Variants in PELI2 observed in about 807,000 individuals in gnomAD.
The protein encoded by PELI2 is E3 ubiquitin-protein ligase pellino homolog 2.
PELI2 carries 23 observed loss-of-function variants against 42.3 expected under a neutral mutation model. The ratio of observed to expected loss-of-function variants is 0.54; its 90% CI spans 0.39 to 0.77. The LOEUF (loss-of-function observed/expected upper bound fraction) is 0.77, where lower values mean the gene tolerates loss of function less well. Among genes scored for constraint, PELI2 ranks in the 30% least tolerant of loss-of-function variants. The pLI is 0.00. For missense variants in PELI2, 463 were observed against 553.2 expected, an observed-to-expected ratio of 0.84 and a Z score of 1.64; for synonymous variants, 245 against 212.2, an observed-to-expected ratio of 1.15 and a Z score of -1.34.
chr14:56,209,454 C>T (rs1157866564), intron 2 of PELI2, among the ~76,000 whole-genome samples: 1 of 152,162 alleles, frequency 6.6e-6, no homozygotes, highest in Non-Finnish European at 1.5e-5. Flanking sequence ...TTGAGTCAGA[C>T]ATTAGAGAGA....
intron 2 of PELI2, among the ~76,000 whole-genome samples, chr14:56,217,799 G>A (rs1022856850): frequency 4.6e-5 from 7 of 152,062 alleles, no homozygotes; most frequent in African/African-American, 1.4e-4. Flanking sequence ...TCACTTCTCC[G>A]TGGTAGGATT....
At chr14:56,251,944 C>A (rs972642799) in intron 2 of PELI2, among the ~76,000 whole-genome samples, 1 of 151,940 alleles carries the variant, frequency 6.6e-6, no homozygotes, top group African/African-American at 2.4e-5. Context: ...CACCGTAATT[C>A]TTTTTTTTAA....
At chr14:56,140,817 G>A (rs1191714511) in intron 1 of PELI2, among the ~76,000 whole-genome samples, 1 of 152,196 alleles carries the variant, frequency 6.6e-6, no homozygotes, top group Non-Finnish European at 1.5e-5. Context: ...GGCAAGTTGG[G>A]GGGTGACTTG....
At chr14:56,136,093 A>T (rs1883680561) in intron 1 of PELI2, among the ~76,000 whole-genome samples, 1 of 152,240 alleles carries the variant, frequency 6.6e-6, no homozygotes, top group East Asian at 1.9e-4. Flanking sequence ...CCATTTATAC[A>T]TGTTATTCTT....
intron 2 of PELI2, among the ~76,000 whole-genome samples, chr14:56,241,691 G>A (rs1290895082): frequency 1.3e-5 from 2 of 152,144 alleles, no homozygotes; most frequent in Non-Finnish European, 2.9e-5. Context: ...AGGGGAGATA[G>A]TAAAAATATC....
At chr14:56,234,528 A>G (rs1035775384) in intron 2 of PELI2, among the ~76,000 whole-genome samples, 1 of 152,052 alleles carries the variant, frequency 6.6e-6, no homozygotes, top group African/African-American at 2.4e-5. Flanking sequence ...ATGTGTTCTC[A>G]CTCATAGGTG....
rs1012515977 is a variant in PELI2 at position 56,216,808 on chromosome 14, C to A, written c.207+38344C>A. ...AAAGCTAATTCAGTTTCTTTACTTA[C>A]CCCGCAGACAGTTGGCTGTGTGCCA... On this transcript the variant is annotated intron_variant, in intron 2 of 5. Coordinates refer to ENST00000267460, the MANE Select transcript of PELI2 (RefSeq NM_021255.3). Among the ~76,000 whole-genome samples, 4 of 152,198 alleles carry A rather than the reference C, an allele frequency of 2.6e-5. No homozygotes were observed. The South Asian group carries it at 8.3e-4, about 32-fold the overall frequency.
Position 56,300,654 on chromosome 14 carries a change from A to G in PELI2, c.*3488A>G, listed in dbSNP as rs1890146352. The G allele has an allele frequency of 6.6e-6, 1 of 152,148 alleles. No individual in the cohort carries two copies. Among genetic ancestry groups the G allele is most frequent in the Non-Finnish European group, 1.5e-5 (1 of 68,032 alleles). 9.4% of individuals were successfully genotyped at this position (152,148 alleles called of 1,614,324 possible). On this transcript the variant is annotated 3_prime_UTR_variant, in exon 6 of 6. Coordinates refer to ENST00000267460, the MANE Select transcript of PELI2 (RefSeq NM_021255.3). Reference sequence around the variant, plus strand: ...GCTTGAAAGGGTGTGTGATTACACCATTGTTAATGCTGGGTAAAAACTATC... The same window carrying G: ...GCTTGAAAGGGTGTGTGATTACACCGTTGTTAATGCTGGGTAAAAACTATC...
intron 1 of PELI2, among the ~76,000 whole-genome samples, chr14:56,132,755 C>T (rs748830896): frequency 1.8e-4 from 28 of 152,170 alleles, no homozygotes; most frequent in Non-Finnish European, 4.1e-4. Flanking sequence ...TCTACTTGAA[C>T]ACTCACCATG....
rs186903269 is a variant in PELI2 at position 56,225,699 on chromosome 14, G to A, written c.207+47235G>A. Among the ~76,000 whole-genome samples the A allele has an allele frequency of 1.3e-4, 20 of 152,250 alleles. No individual in the cohort carries two copies. In the East Asian group the frequency reaches 2.3e-3, roughly 18 times the overall value. ...GTGCCCACTTTGGTACTTCTCCCTC[G>A]GTTTTCCTTGTCCTAGAGGAGGCAG... is the stretch of plus-strand genomic sequence containing the variant. On this transcript the variant is annotated intron_variant, in intron 2 of 5. Coordinates refer to ENST00000267460, the MANE Select transcript of PELI2 (RefSeq NM_021255.3).
chr14:56,249,724 T>C (rs1053624417), intron 2 of PELI2, among the ~76,000 whole-genome samples: 1 of 152,214 alleles, frequency 6.6e-6, no homozygotes, highest in African/African-American at 2.4e-5. Flanking sequence ...ACAAAATGTG[T>C]GGCTCGTGTG....
intron 2 of PELI2, among the ~76,000 whole-genome samples, chr14:56,194,729 A>G (rs1351067021): frequency 6.6e-6 from 1 of 152,194 alleles, no homozygotes; most frequent in African/African-American, 2.4e-5. Flanking sequence ...TGGATAAGGC[A>G]GCCCCACGTC....
intron 2 of PELI2, among the ~76,000 whole-genome samples, chr14:56,201,991 G>C (rs964837914): frequency 6.6e-6 from 1 of 152,158 alleles, no homozygotes; most frequent in South Asian, 2.1e-4. Flanking sequence ...CTCACAACCC[G>C]ATGAGGTAAA....
At position 56,129,860 on chromosome 14, in the gene PELI2, G is replaced by A. The variant is rs141335091; in HGVS notation, c.77+11123G>A. ...ATTGATCCCATTGCTGGAGAAAAGA[G>A]CAGAGCAGATTTCTGGCCTTGCAGT... On this transcript the variant is annotated intron_variant, in intron 1 of 5. Transcript: ENST00000267460. Among the ~76,000 whole-genome samples the A allele has an allele frequency of 2.6e-5, 4 of 152,314 alleles. No individual in the cohort carries two copies. The East Asian group carries it at 7.7e-4, about 29-fold the overall frequency.
intron 1 of PELI2, among the ~76,000 whole-genome samples, chr14:56,144,570 A>C (rs114266481): frequency 7.9e-4 from 120 of 152,348 alleles, no homozygotes; most frequent in African/African-American, 2.8e-3. Context: ...GTGTTCGAAT[A>C]ACTAGGGACA....
intron 5 of PELI2, among the ~76,000 whole-genome samples, 170 bp downstream of exon 5, chr14:56,290,626 G>GACC (rs1164302676): frequency 3.3e-5 from 5 of 152,128 alleles, no homozygotes; most frequent in African/African-American, 1.2e-4. Flanking sequence ...GAGGGAAATG[G>GACC]CCTTATCTCC....
At chr14:56,120,411 T>C (rs1028187800) in intron 1 of PELI2, among the ~76,000 whole-genome samples, 1 of 152,184 alleles carries the variant, frequency 6.6e-6, no homozygotes, top group Non-Finnish European at 1.5e-5. Context: ...GGTTTTGTGT[T>C]CATAGCTGGA....
Position 56,180,493 on chromosome 14 carries a change from C to G in PELI2, c.207+2029C>G, listed in dbSNP as rs932785679. On this transcript the variant is annotated intron_variant, in intron 2 of 5. Transcript: ENST00000267460. This position sits in a 1 kb window ranked among gnomAD's most constrained non-coding sequence, Gnocchi z 4.4. ...TAGATAGTGACTTTCCTCCAACCAA[C>G]TTCTATCTCTTTTAAAGGTTTACAT... Among the ~76,000 whole-genome samples, 17 of 152,156 alleles carry G rather than the reference C, an allele frequency of 1.1e-4. No homozygotes were observed. The highest frequency in any genetic ancestry group is 4.1e-4 in the African/African-American group (17 of 41,434).
At chr14:56,253,755 C>T (rs571332281) in intron 2 of PELI2, among the ~76,000 whole-genome samples, 34 of 152,178 alleles carry the variant, frequency 2.2e-4, no homozygotes, top group African/African-American at 7.2e-4. Context: ...GACTCAATAT[C>T]GTGAAAATGG....
Sources: allele counts gnomAD v4.1 joint callset (sites outside exome capture counted in the v4.1 genomes callset), GRCh38; gene constraint gnomAD v4.1.1; non-coding constraint Gnocchi (gnomAD v3.1); transcripts MANE v1.5; gene names NCBI Gene and HGNC (gene_info 2026-07-23, HGNC 2026-07-21).